TPD52: variants seen among roughly 807,000 people sequenced by gnomAD.
TPD52 encodes the protein tumor protein D52, also known as prostate and colon associated protein.
A neutral mutation model predicts 31.3 loss-of-function variants in TPD52; 17 were observed. The ratio of observed to expected loss-of-function variants is 0.54; its 90% CI spans 0.37 to 0.82. The LOEUF (loss-of-function observed/expected upper bound fraction) is 0.82. Ranked by LOEUF, TPD52 falls within the 40% of genes least tolerant of loss-of-function variation. The pLI is 0.00. For synonymous variants in TPD52, 83 were observed against 89.6 expected, an observed-to-expected ratio of 0.93 and a Z score of 0.42; for missense variants, 212 against 240.1, an observed-to-expected ratio of 0.88 and a Z score of 0.77.
At chr8:80,047,890 T>A (rs1811022326) in intron 5 of TPD52, among the ~76,000 whole-genome samples, 1 of 152,250 alleles carries the variant, frequency 6.6e-6, no homozygotes. Context: ...TAGCACTTCC[T>A]CTTAAATATA....
intron 1 of TPD52, among the ~76,000 whole-genome samples, chr8:80,093,296 A>G (rs549648964): frequency 6.6e-6 from 1 of 152,324 alleles, no homozygotes; most frequent in East Asian, 1.9e-4. Flanking sequence ...CTCTATGGTG[A>G]GATTACTGGA....
At chr8:80,135,149 C>A (rs1465040840) in intron 1 of TPD52, among the ~76,000 whole-genome samples, 2 of 152,178 alleles carry the variant, frequency 1.3e-5, no homozygotes, top group African/African-American at 2.4e-5. Flanking sequence ...AACCACAAGA[C>A]CCAGTGAATT....
At chr8:80,044,575 A>C (rs1810665722) in intron 5 of TPD52, among the ~76,000 whole-genome samples, 1 of 148,936 alleles carries the variant, frequency 6.7e-6, no homozygotes, top group Admixed American at 6.6e-5. Flanking sequence ...TCCCCTCAAA[A>C]ATGAAGCATG....
chr8:80,068,376 A>G (rs1215014241), intron 1 of TPD52, among the ~76,000 whole-genome samples: 2 of 152,192 alleles, frequency 1.3e-5, no homozygotes, highest in Non-Finnish European at 2.9e-5. Context: ...TCATGGCAGG[A>G]CAAGGAAACA....
chr8:80,128,900 G>T (rs1808824360), intron 1 of TPD52, among the ~76,000 whole-genome samples: 1 of 150,722 alleles, frequency 6.6e-6, no homozygotes, highest in South Asian at 2.1e-4. Flanking sequence ...TTTTCAGGAA[G>T]AAATGCTAGA....
chr8:80,101,338 C>G (rs571051929), intron 1 of TPD52, among the ~76,000 whole-genome samples: 3 of 151,464 alleles, frequency 2.0e-5, no homozygotes, highest in Non-Finnish European at 4.4e-5. Flanking sequence ...ATCCCAGCTA[C>G]CCGGGAGGCT....
At chr8:80,043,873 G>A (rs1385606871) in intron 6 of TPD52, among the ~76,000 whole-genome samples, 2 of 152,224 alleles carry the variant, frequency 1.3e-5, no homozygotes, top group Non-Finnish European at 2.9e-5. Context: ...CGGGACAAAA[G>A]AAGGTTTGTT....
At chr8:80,077,005 A>G (rs1472169382) in intron 1 of TPD52, among the ~76,000 whole-genome samples, 1 of 149,234 alleles carries the variant, frequency 6.7e-6, no homozygotes, top group African/African-American at 2.5e-5. Flanking sequence ...GGCCCGGCCC[A>G]GTGGCTCACG....
chr8:80,167,323 G>A (rs544727979), intron 1 of TPD52, among the ~76,000 whole-genome samples: 114 of 152,342 alleles, frequency 7.5e-4, no homozygotes, highest in South Asian at 7.2e-3. Flanking sequence ...TAGTAGCACA[G>A]AAGTTCCAGG....
chr8:80,124,676 A>G (rs1563643793), intron 1 of TPD52, among the ~76,000 whole-genome samples: 1 of 152,216 alleles, frequency 6.6e-6, no homozygotes, highest in Non-Finnish European at 1.5e-5. Flanking sequence ...GAATTTCACT[A>G]GCATAAAAAT....
chr8:80,146,194 T>A (rs550314205), intron 1 of TPD52, among the ~76,000 whole-genome samples: 23 of 152,218 alleles, frequency 1.5e-4, no homozygotes, highest in African/African-American at 4.6e-4. Context: ...GGTAAGAACA[T>A]CCAGATTGGA....
chr8:80,091,831 C>G (rs568874351), intron 1 of TPD52, among the ~76,000 whole-genome samples: 2 of 152,296 alleles, frequency 1.3e-5, no homozygotes, highest in African/African-American at 4.8e-5. Context: ...AAGACTCTTG[C>G]TTTCTGGACA....
intron 1 of TPD52, among the ~76,000 whole-genome samples, chr8:80,131,713 TCA>T (rs1809030016): frequency 6.6e-6 from 1 of 152,180 alleles, no homozygotes; most frequent in South Asian, 2.1e-4. Flanking sequence ...ACCTATGAGC[TCA>T]CACACTTTAA....
intron 1 of TPD52, among the ~76,000 whole-genome samples, chr8:80,105,220 T>C (rs560842597): frequency 6.6e-6 from 1 of 152,158 alleles, no homozygotes; most frequent in Admixed American, 6.5e-5. Context: ...CCTCATATTG[T>C]CTTATGCCCA....
At position 80,036,273 on chromosome 8, in the gene TPD52, C is replaced by G. The variant is rs1286344021; in HGVS notation, c.*1843G>C. 6.6e-6 allele frequency: 1 copy of G among 152,438 alleles called. No homozygotes were observed. The allele number at this position is 152,438 out of a possible 1,614,324, so 9.4% of individuals were successfully genotyped here. A position where few individuals can be genotyped will look rare whatever the true frequency, so the allele number is the denominator to read the frequency against. ...AAAGTTAGTAGCAGGGCAGGATGCT[C>G]AAGAAACAATGTGATCAAAAGAATA... On this transcript the variant is annotated 3_prime_UTR_variant, in exon 8 of 8. Transcript: ENST00000518937.
chr8:80,099,363 A>AAAAC (rs928121388), intron 1 of TPD52, among the ~76,000 whole-genome samples: 1 of 152,200 alleles, frequency 6.6e-6, no homozygotes, highest in African/African-American at 2.4e-5. Flanking sequence ...CATTTATGAA[A>AAAAC]AAACAAACAA....
intron 1 of TPD52, among the ~76,000 whole-genome samples, chr8:80,129,221 TA>T: frequency 6.6e-6 from 1 of 152,166 alleles, no homozygotes; most frequent in Non-Finnish European, 1.5e-5. Context: ...AAACTCTTTT[TA>T]AAATTTTTAA....
intron 1 of TPD52, among the ~76,000 whole-genome samples, chr8:80,086,272 C>T (rs1008302093): frequency 9.9e-5 from 15 of 151,506 alleles, no homozygotes; most frequent in African/African-American, 3.6e-4. Flanking sequence ...GCGCACACCA[C>T]CACGCCCAGC....
intron 2 of TPD52, among the ~76,000 whole-genome samples, chr8:80,061,963 G>A (rs992119714): frequency 2.0e-5 from 3 of 152,142 alleles, no homozygotes; most frequent in Non-Finnish European, 4.4e-5. Context: ...TTCATGGACT[G>A]GAAGACTTAA....
Sources: allele counts gnomAD v4.1 joint callset (sites outside exome capture counted in the v4.1 genomes callset), GRCh38; gene constraint gnomAD v4.1.1; transcripts MANE v1.5; gene names NCBI Gene and HGNC (gene_info 2026-07-23, HGNC 2026-07-21).